CALD1: variants seen among roughly 807,000 people sequenced by gnomAD.
CALD1 encodes the protein caldesmon 1, also known as caldesmon.
In CALD1, 33 loss-of-function variants were observed where a neutral mutation model predicts 99.9. That is an observed-to-expected ratio of 0.33 (90% confidence interval 0.25 to 0.44). The LOEUF (loss-of-function observed/expected upper bound fraction) is 0.44, where lower values mean the gene tolerates loss of function less well. Among genes scored for constraint, CALD1 ranks in the 20% least tolerant of loss-of-function variants. The probability of loss-of-function intolerance (pLI) is 1.00; values close to 1 mark genes in which losing one functional copy is unlikely to be tolerated. For missense variants in CALD1, 861 were observed against 962.1 expected (o/e 0.89, Z 1.39); for synonymous variants, 310 against 325.0 (o/e 0.95, Z 0.50).
intron 1 of CALD1, among the ~76,000 whole-genome samples, chr7:134,754,881 C>A (rs2131575826): frequency 6.6e-6 from 1 of 152,204 alleles, no homozygotes; most frequent in East Asian, 1.9e-4. Flanking sequence ...AATTGTTAGA[C>A]AATAGGGTAG....
At chr7:134,827,778 A>G (rs1799062387) in intron 1 of CALD1, among the ~76,000 whole-genome samples, 1 of 152,224 alleles carries the variant, frequency 6.6e-6, no homozygotes, top group South Asian at 2.1e-4. Flanking sequence ...GTTCAGATAG[A>G]GATGACTTTT....
At chr7:134,908,268 T>C (rs1803550062) in intron 3 of CALD1, among the ~76,000 whole-genome samples, 1 of 152,196 alleles carries the variant, frequency 6.6e-6, no homozygotes, top group African/African-American at 2.4e-5. Context: ...TTTAAAAAGT[T>C]TTAAACATTT....
At chr7:134,773,310 T>C (rs1796890971) in intron 1 of CALD1, among the ~76,000 whole-genome samples, 1 of 151,950 alleles carries the variant, frequency 6.6e-6, no homozygotes, top group African/African-American at 2.4e-5. Context: ...GATCTACCTC[T>C]GTTTCCCAAG....
At chr7:134,829,445 G>GT (rs1160462599) in intron 1 of CALD1, among the ~76,000 whole-genome samples, 10 of 152,142 alleles carry the variant, frequency 6.6e-5, no homozygotes, top group Non-Finnish European at 1.2e-4. Context: ...GACTTTGTGG[G>GT]TTTAAGAAAG....
intron 1 of CALD1, among the ~76,000 whole-genome samples, chr7:134,804,483 G>A (rs750926215): frequency 5.3e-5 from 8 of 152,216 alleles, no homozygotes. Context: ...ACAGCTTGCT[G>A]TTCTAAATCT....
intron 1 of CALD1, among the ~76,000 whole-genome samples, chr7:134,824,826 A>G (rs1798925486): frequency 6.6e-6 from 1 of 152,164 alleles, no homozygotes; most frequent in Non-Finnish European, 1.5e-5. Flanking sequence ...AGAATATTTG[A>G]CACCCATTAT....
intron 1 of CALD1, among the ~76,000 whole-genome samples, chr7:134,805,372 T>C (rs1798095439): frequency 6.6e-6 from 1 of 152,206 alleles, no homozygotes; most frequent in African/African-American, 2.4e-5. Context: ...TGGCTATATA[T>C]TGTTTTTAGC....
intron 7 of CALD1, among the ~76,000 whole-genome samples, chr7:134,945,843 C>T (rs1806819266): frequency 6.6e-6 from 1 of 152,216 alleles, no homozygotes; most frequent in Admixed American, 6.5e-5. Context: ...TAAGAATAGA[C>T]ATAAATCACT....
chr7:134,833,493 A>C (rs544464936), intron 1 of CALD1, among the ~76,000 whole-genome samples: 2 of 152,326 alleles, frequency 1.3e-5, no homozygotes, highest in South Asian at 4.1e-4. Flanking sequence ...TACCAATAAA[A>C]ACAGCAGTAC....
At chr7:134,765,919 C>T (rs191969504) in intron 1 of CALD1, among the ~76,000 whole-genome samples, 125 of 152,232 alleles carry the variant, frequency 8.2e-4, no homozygotes, top group African/African-American at 2.8e-3. Context: ...TGAGTTCTCA[C>T]AATATCTGGC....
At chr7:134,895,984 G>A (rs1379562129) in intron 3 of CALD1, among the ~76,000 whole-genome samples, 2 of 152,020 alleles carry the variant, frequency 1.3e-5, no homozygotes. Flanking sequence ...ATCACCCCTG[G>A]TCACCTGCTC....
At chr7:134,939,580 A>G (rs1806265354) in intron 6 of CALD1, among the ~76,000 whole-genome samples, 1 of 152,222 alleles carries the variant, frequency 6.6e-6, no homozygotes, top group Admixed American at 6.5e-5. Flanking sequence ...GTGAATCCCT[A>G]GTAATTAATC....
intron 7 of CALD1, among the ~76,000 whole-genome samples, chr7:134,945,884 T>C (rs1806823133): frequency 6.6e-6 from 1 of 152,158 alleles, no homozygotes. Context: ...AGGCAATGGG[T>C]AATTTCGTCT....
chr7:134,885,262 A>C (rs989324947), intron 3 of CALD1, among the ~76,000 whole-genome samples: 1 of 152,200 alleles, frequency 6.6e-6, no homozygotes, highest in African/African-American at 2.4e-5. Flanking sequence ...TGTAGATCAT[A>C]ATCAAGTGCT....
At chr7:134,740,290 T>A (rs77538879), upstream of CALD1, among the ~76,000 whole-genome samples, 71 of 152,128 alleles carry the variant, frequency 4.7e-4, 2 homozygotes, top group East Asian at 0.013. Flanking sequence ...GACACAAGTC[T>A]GGAGGGGATT....
At chr7:134,881,138 G>T (rs1362058077) in intron 3 of CALD1, among the ~76,000 whole-genome samples, 1 of 152,098 alleles carries the variant, frequency 6.6e-6, no homozygotes, top group Non-Finnish European at 1.5e-5. Flanking sequence ...TGTCCAGTTG[G>T]GTTATGTCAT....
In CALD1 at chr7:134,919,272, G is replaced by C. The variant is rs1804440817; in HGVS notation, c.72-9482G>C. Among the ~76,000 whole-genome samples the C allele has an allele frequency of 2.6e-5, 4 of 152,064 alleles. 1 individual carries two copies. The South Asian group carries it at 8.3e-4, about 31-fold the overall frequency. On this transcript the variant is annotated intron_variant, in intron 3 of 14. Transcript: ENST00000361675. Reference sequence around the variant, plus strand: ...AGAATCAGAACTCTCAGTACTCCCTGGGTGCCTTCTAACCATACAGGACCC... The same window carrying C: ...AGAATCAGAACTCTCAGTACTCCCTCGGTGCCTTCTAACCATACAGGACCC...
chr7:134,860,177 A>AT (rs1363565192), intron 2 of CALD1, among the ~76,000 whole-genome samples: 2 of 152,108 alleles, frequency 1.3e-5, no homozygotes, highest in African/African-American at 4.8e-5. Flanking sequence ...AAATGCATGT[A>AT]TTTTTTTAAA....
intron 13 of CALD1, among the ~76,000 whole-genome samples, chr7:134,964,001 A>G (rs1364412883): frequency 6.6e-6 from 1 of 152,188 alleles, no homozygotes; most frequent in Non-Finnish European, 1.5e-5. Flanking sequence ...GATCGAGACC[A>G]TCCTGGCTAA....
Sources: allele counts gnomAD v4.1 joint callset (sites outside exome capture counted in the v4.1 genomes callset), GRCh38; gene constraint gnomAD v4.1.1; transcripts MANE v1.5; gene names NCBI Gene and HGNC (gene_info 2026-07-23, HGNC 2026-07-21).